MARF1: variants seen among roughly 807,000 people sequenced by gnomAD.
MARF1 encodes limkain-b1.
Under a neutral mutation model 168.2 loss-of-function variants are expected in MARF1, and 24 were observed. The ratio of observed to expected loss-of-function variants is 0.14; its 90% CI spans 0.10 to 0.20. MARF1 has a LOEUF of 0.20. MARF1 is among the 10% of genes least tolerant of loss of function. The pLI is 1.00. For missense variants in MARF1, 1,744 were observed against 2,143.6 expected (o/e 0.81, Z 3.68); for synonymous variants, 868 against 822.4 (o/e 1.06, Z -0.95).
At chr16:15,638,631 G>T (rs1428235497) in intron 2 of MARF1, among the ~76,000 whole-genome samples, 1 of 151,886 alleles carries the variant, frequency 6.6e-6, no homozygotes, top group African/African-American at 2.4e-5. Flanking sequence ...TAAGCAAGAA[G>T]TTAGAGACAT....
In MARF1 at chr16:15,598,985, T is replaced by C. The variant is rs1303955215; in HGVS notation, c.4853A>G (p.Asp1618Gly). 6.2e-7 allele frequency: 1 copy of C among 1,611,172 alleles called. No homozygotes were observed. Among genetic ancestry groups the C allele is most frequent in the Non-Finnish European group, 8.5e-7 (1 of 1,178,836 alleles). Residue 1618 changes from aspartate to glycine, a missense_variant, in exon 26 of 27, where the codon GAC (aspartate) becomes GGC (glycine). Around this residue, in one of 7 missense-constraint regions of MARF1, gnomAD observed 313 missense variants for 337.4 expected, o/e 0.93. Transcript: ENST00000396368. ...ACACAGGAGGTCGACGGGGGAGTCGTCGGTCAGGCGGAGAAGCTCCTGCTC... is the reference window on the plus strand; with the variant it reads ...ACACAGGAGGTCGACGGGGGAGTCGCCGGTCAGGCGGAGAAGCTCCTGCTC... ...HTEQELLRLT[D>G]DSPVDLLCAP...
intron 6 of MARF1, 97 bp downstream of exon 6, chr16:15,631,284 C>G: frequency 1.2e-6 from 1 of 834,856 alleles, no homozygotes; most frequent in Non-Finnish European, 2.0e-6. Flanking sequence ...ACTTCAGCCT[C>G]TTTGGGGATA....
chr16:15,597,076 C>T, intron 26 of MARF1, 139 bp from the exon 27 acceptor site: 1 of 948,958 alleles, frequency 1.1e-6, no homozygotes, highest in Non-Finnish European at 1.5e-6. Context: ...CCACAGTTTA[C>T]ATATGAGTTG....
intron 5 of MARF1, among the ~76,000 whole-genome samples, chr16:15,633,213 C>T (rs2035366864): frequency 7.2e-6 from 1 of 139,806 alleles, no homozygotes; most frequent in South Asian, 2.5e-4. Flanking sequence ...ACACGTACAG[C>T]ACTTTTAGAG....
chr16:15,609,260 C>A (rs1052942410), intron 20 of MARF1, among the ~76,000 whole-genome samples: 11 of 151,356 alleles, frequency 7.3e-5, no homozygotes, highest in African/African-American at 2.7e-4. Context: ...AACAAACAAA[C>A]AAAAAAAAGA....
chr16:15,598,074 A>C (rs2031941191), intron 26 of MARF1, among the ~76,000 whole-genome samples: 1 of 152,168 alleles, frequency 6.6e-6, no homozygotes, highest in South Asian at 2.1e-4. Flanking sequence ...GTTGGGTTCC[A>C]ACAGATGAAG....
intron 3 of MARF1, 131 bp downstream of exon 3, chr16:15,635,525 G>C (rs2035531577): frequency 1.5e-5 from 12 of 792,018 alleles, no homozygotes; most frequent in Non-Finnish European, 2.2e-5. Context: ...AAATTATGCT[G>C]ATGGGGAGAT....
At chr16:15,609,808 T>C (rs2033358981) in intron 19 of MARF1, 83 bp from the exon 20 acceptor site, 2 of 1,148,498 alleles carry the variant, frequency 1.7e-6, no homozygotes, top group African/African-American at 1.6e-5. Context: ...TAAATCCTTT[T>C]GGGAATTTAT....
At position 15,635,888 on chromosome 16, in the gene MARF1, T is replaced by C. The variant is rs2035561102; in HGVS notation, c.599A>G (p.Gln200Arg). Residue 200 changes from glutamine (Q) to arginine (R), a missense_variant, in exon 3 of 27, where the codon CAG becomes CGG. Transcript: ENST00000396368. ...CTTGTGCACATTACCATGACATGAC[T>C]GGAAGTGGAGTTTTCCACAACAGGG... ...HLPCCGKLHFQSCHGNVHKLH... is the reference protein window; with the variant it reads ...HLPCCGKLHFRSCHGNVHKLH... 1.2e-6 allele frequency: 2 copies of C among 1,614,176 alleles called. No homozygotes were observed. Among genetic ancestry groups the C allele is most frequent in the Non-Finnish European group, 1.7e-6 (2 of 1,180,042 alleles).
At chr16:15,642,864 C>A (rs1312702771) in intron 1 of MARF1, among the ~76,000 whole-genome samples, 154 bp downstream of exon 1, 1 of 152,128 alleles carries the variant, frequency 6.6e-6, no homozygotes, top group Non-Finnish European at 1.5e-5. Context: ...CGTGGGGGGC[C>A]CAACTGGCGC....
At position 15,617,078 on chromosome 16, in the gene MARF1, G is replaced by T; in HGVS notation, c.3051C>A (p.Thr1017=). The T allele has an allele frequency of 1.2e-6, 2 of 1,613,972 alleles. No individual in the cohort carries two copies. Among genetic ancestry groups the T allele is most frequent in the Non-Finnish European group, 1.7e-6 (2 of 1,179,992 alleles). The change falls in exon 15 of 27, where the codon ACC becomes ACA. Residue 1017 remains threonine, a synonymous_variant. Transcript: ENST00000396368. ...FAPQVHSLLQ[T]HEGTVPLLSF... ...TCAATAAAGGCACGGTGCCCTCGTG[G>T]GTCTGGAGAAGACTGTGAACCTGGG...
rs202078594 is a variant in MARF1 at position 15,635,800 on chromosome 16, G to A, written c.687C>T (p.Phe229=). Residue 229 remains phenylalanine (F), a synonymous_variant, in exon 3 of 27, where the codon TTC becomes TTT. Coordinates refer to ENST00000396368, the MANE Select transcript of MARF1 (RefSeq NM_014647.4). ...CCAAATGCCCTGGAGCCCCGCTTGT[G>A]AAATCAGAACAGGGGAAATAGCCAG... is the stretch of plus-strand genomic sequence containing the variant. ...TSAGYFPCSD[F]TSGAPGHLEE... 49 of 1,614,226 alleles carry A rather than the reference G, an allele frequency of 3.0e-5. No individual in the cohort carries two copies. The highest frequency in any genetic ancestry group is 6.7e-5 in the East Asian group (3 of 44,886).
chr16:15,611,220 A>C, intron 18 of MARF1, 112 bp from the exon 19 acceptor site: 1 of 1,019,526 alleles, frequency 9.8e-7, no homozygotes, highest in East Asian at 2.5e-5. Context: ...GCACTTTGGG[A>C]GGCCGAGGTG....
Position 15,621,911 on chromosome 16 carries a change from C to T in MARF1, c.2461G>A (p.Val821Met). The T allele has an allele frequency of 6.2e-7, 1 of 1,611,874 alleles. No individual in the cohort carries two copies. The highest frequency in any genetic ancestry group is 8.5e-7 in the Non-Finnish European group (1 of 1,179,360). The change falls in exon 12 of 27, where the codon GTG becomes ATG. Residue 821 changes from valine (V) to methionine (M), a missense_variant and splice_region_variant. This residue lies in a region of MARF1 where 543 missense variants were observed against 742.1 expected (regional missense o/e 0.73). Coordinates refer to ENST00000396368, the MANE Select transcript of MARF1 (RefSeq NM_014647.4). Reference protein sequence around the residue: ...LQEAFARHGKVKSVELSPHTD... With the variant: ...LQEAFARHGKMKSVELSPHTD... ...TGGGGGCTGAGCTCAACACTCTTCA[C>T]CTACAACAGGAAAAGCGAAAACTAA...
intron 25 of MARF1, among the ~76,000 whole-genome samples, 171 bp downstream of exon 25, chr16:15,600,257 A>G (rs1159058452): frequency 6.6e-6 from 1 of 152,220 alleles, no homozygotes; most frequent in Non-Finnish European, 1.5e-5. Flanking sequence ...GATAAAGGTC[A>G]ATTTTATCCT....
chr16:15,597,850 A>G (rs985262457), intron 26 of MARF1, among the ~76,000 whole-genome samples: 1 of 152,248 alleles, frequency 6.6e-6, no homozygotes, highest in Non-Finnish European at 1.5e-5. Flanking sequence ...GGCACTGCAC[A>G]GGAGCAGGGC....
chr16:15,621,615 T>C (rs2034465872), intron 12 of MARF1, 118 bp downstream of exon 12: 2 of 949,758 alleles, frequency 2.1e-6, no homozygotes, highest in Non-Finnish European at 3.1e-6. Flanking sequence ...ATAAGCATTA[T>C]TCCACATGCA....
At chr16:15,628,248 T>C (rs1179310148) in intron 7 of MARF1, among the ~76,000 whole-genome samples, 1 of 151,264 alleles carries the variant, frequency 6.6e-6, no homozygotes, top group East Asian at 1.9e-4. Flanking sequence ...ATGTGACACA[T>C]TTTTTTTTAA....
At chr16:15,614,884 A>T (rs1414387467) in intron 16 of MARF1, among the ~76,000 whole-genome samples, 1 of 152,086 alleles carries the variant, frequency 6.6e-6, no homozygotes, top group East Asian at 1.9e-4. Flanking sequence ...TCCTGGGTTC[A>T]AGTGATTCTC....
Sources: gnomAD v4.1 joint callset for allele counts (sites outside exome capture counted in the v4.1 genomes callset) on GRCh38, gnomAD v4.1.1 for gene constraint, gnomAD v4.1.1 regional missense constraint, MANE v1.5 for transcripts, NCBI Gene and HGNC (gene_info 2026-07-23, HGNC 2026-07-21) for gene names.